The following CD99L2 variants were observed in gnomAD, a reference collection of about 807,000 sequenced individuals.
CD99L2 encodes the protein CD99 molecule like 2.
CD99L2 carries 24 observed loss-of-function variants against 27.3 expected under a neutral mutation model. That is an observed-to-expected ratio of 0.88 (90% CI 0.64 to 1.24). The LOEUF (loss-of-function observed/expected upper bound fraction) is 1.24, where lower values mean the gene tolerates loss of function less well. Ranked by LOEUF, CD99L2 falls within the 50% of genes most tolerant of loss-of-function variation. The pLI is 0.00. For synonymous variants in CD99L2, 97 were observed against 87.9 expected (o/e 1.10, Z -0.58); for missense variants, 255 against 221.6 (o/e 1.15, Z -0.96).
intron 2 of CD99L2, 81 bp from the exon 3 acceptor site, chrX:150,816,159 C>T: frequency 1.1e-6 from 1 of 937,406 alleles, no homozygotes; most frequent in Non-Finnish European, 1.5e-6. Flanking sequence ...GGGGAAGTCA[C>T]ATTGTGAGTA....
chrX:150,795,582 G>C (rs2045783641), intron 4 of CD99L2, 96 bp from the exon 5 acceptor site: 16 of 885,225 alleles, frequency 1.8e-5, no homozygotes, highest in Non-Finnish European at 1.6e-5. Context: ...GAATATTCTT[G>C]TCTTGGTCCT....
chrX:150,824,686 A>AGAG (rs1569566014), intron 2 of CD99L2, among the ~76,000 whole-genome samples: 1 of 75,612 alleles, frequency 1.3e-5, no homozygotes, highest in African/African-American at 4.5e-5. Context: ...AAGAAGAAGA[A>AGAG]GAGGAAGAGG....
chrX:150,853,621 G>A (rs2046825484), intron 1 of CD99L2, among the ~76,000 whole-genome samples: 1 of 111,650 alleles, frequency 9.0e-6, no homozygotes, highest in Non-Finnish European at 1.9e-5. Flanking sequence ...GACCTAGCAA[G>A]AAGGGGTCTT....
At chrX:150,859,267 G>A (rs1021386065) in intron 1 of CD99L2, among the ~76,000 whole-genome samples, 9 of 111,319 alleles carry the variant, frequency 8.1e-5, no homozygotes, top group Non-Finnish European at 1.1e-4. Flanking sequence ...TTGGGAGGCC[G>A]AGGCAGGTGG....
intron 1 of CD99L2, among the ~76,000 whole-genome samples, chrX:150,852,627 C>G (rs985079176): frequency 1.3e-4 from 14 of 110,728 alleles, no homozygotes; most frequent in African/African-American, 4.6e-4. Context: ...TCATCCCTCC[C>G]CCAGCCCCCA....
At chrX:150,825,582 A>AT in intron 2 of CD99L2, among the ~76,000 whole-genome samples, 1 of 112,618 alleles carries the variant, frequency 8.9e-6, no homozygotes. Flanking sequence ...GATGTAGAAC[A>AT]AGAGCTTCAA....
intron 1 of CD99L2, among the ~76,000 whole-genome samples, chrX:150,864,981 G>T (rs1277398843): frequency 9.1e-6 from 1 of 109,445 alleles, no homozygotes; most frequent in Non-Finnish European, 1.9e-5. Flanking sequence ...CAGGAGAATC[G>T]CTTGAGCCCA....
chrX:150,878,533 TA>T (rs782675993), intron 1 of CD99L2, among the ~76,000 whole-genome samples: 3,210 of 63,926 alleles, frequency 0.05, 141 homozygotes, highest in African/African-American at 0.15. Context: ...TTAATACTAC[TA>T]AAAAAAAAAA....
At chrX:150,838,558 G>A (rs1020125325) in intron 1 of CD99L2, among the ~76,000 whole-genome samples, 5 of 108,955 alleles carry the variant, frequency 4.6e-5, no homozygotes, top group African/African-American at 1.7e-4. Flanking sequence ...AACCAATTAG[G>A]GGCAACTGCT....
At chrX:150,867,193 C>T (rs782737283) in intron 1 of CD99L2, among the ~76,000 whole-genome samples, 40 of 110,364 alleles carry the variant, frequency 3.6e-4, no homozygotes, top group African/African-American at 1.3e-3. Flanking sequence ...GCAGATCACT[C>T]GAGTCCAGGA....
At chrX:150,896,026 CAAAAA>C (rs372737729) in intron 1 of CD99L2, among the ~76,000 whole-genome samples, 1 of 38,523 alleles carries the variant, frequency 2.6e-5, no homozygotes. Flanking sequence ...ACTCTGTTTC[CAAAAA>C]AAAAAAAAAA....
At chrX:150,896,057 A>C (rs1433030499) in intron 1 of CD99L2, among the ~76,000 whole-genome samples, 5 of 107,803 alleles carry the variant, frequency 4.6e-5, no homozygotes, top group African/African-American at 1.7e-4. Context: ...GATCCAGAAA[A>C]CTGGGCCCTT....
In CD99L2 at chrX:150,842,906, G is replaced by T. The variant is rs541633949; in HGVS notation, c.68-11613C>A. Among the ~76,000 whole-genome samples, 7 of 111,771 alleles carry T rather than the reference G, an allele frequency of 6.3e-5. No individual in the cohort carries two copies. The South Asian group carries it at 2.2e-3, about 36-fold the overall frequency. On this transcript the variant is annotated intron_variant, in intron 1 of 10. Coordinates refer to ENST00000370377, the MANE Select transcript of CD99L2 (RefSeq NM_031462.4). Reference sequence around the variant, plus strand: ...CTGCCTTAAGCAGGGACTGGCGCTTGGTAATCTCCATGCCAACACCACACA... The same window carrying T: ...CTGCCTTAAGCAGGGACTGGCGCTTTGTAATCTCCATGCCAACACCACACA...
chrX:150,819,900 C>T (rs2046220186), intron 2 of CD99L2, among the ~76,000 whole-genome samples: 1 of 111,493 alleles, frequency 9.0e-6, no homozygotes, highest in African/African-American at 3.3e-5. Context: ...GTCTTAATTG[C>T]TGAATTCTAC....
chrX:150,888,353 G>A (rs976047745), intron 1 of CD99L2, among the ~76,000 whole-genome samples: 1 of 111,925 alleles, frequency 8.9e-6, no homozygotes, highest in Non-Finnish European at 1.9e-5. Flanking sequence ...TCAACCATAA[G>A]AAGAAATGGA....
intron 4 of CD99L2, 62 bp from the exon 5 acceptor site, chrX:150,795,548 C>A (rs146760469): frequency 1.9e-4 from 208 of 1,085,477 alleles, no homozygotes; most frequent in Non-Finnish European, 2.5e-4. Context: ...AGCAGCCATT[C>A]ATGGCTCAGG....
intron 1 of CD99L2, among the ~76,000 whole-genome samples, chrX:150,839,990 A>T (rs2046597295): frequency 9.1e-6 from 1 of 110,290 alleles, no homozygotes; most frequent in Non-Finnish European, 1.9e-5. Flanking sequence ...GTGAGCTATG[A>T]TCATACTACT....
At chrX:150,832,525 T>C (rs782693448) in intron 1 of CD99L2, among the ~76,000 whole-genome samples, 49 of 111,319 alleles carry the variant, frequency 4.4e-4, no homozygotes, top group African/African-American at 1.5e-3. Flanking sequence ...TTCATCTCAA[T>C]AGATGCAGAA....
At chrX:150,834,355 G>A (rs1176689729) in intron 1 of CD99L2, among the ~76,000 whole-genome samples, 6 of 111,544 alleles carry the variant, frequency 5.4e-5, no homozygotes, top group South Asian at 7.6e-4. Flanking sequence ...AGCTGGGCGC[G>A]GTAGCATGTG....
Sources: allele counts gnomAD v4.1 joint callset (sites outside exome capture counted in the v4.1 genomes callset), GRCh38; gene constraint gnomAD v4.1.1; transcripts MANE v1.5; gene names NCBI Gene and HGNC (gene_info 2026-07-23, HGNC 2026-07-21).